KCNQ3: variants seen among roughly 807,000 people sequenced by gnomAD.
The protein encoded by KCNQ3 is potassium voltage-gated channel subfamily KQT member 3.
In KCNQ3, 30 loss-of-function variants were observed where a neutral mutation model predicts 92.5. That is an observed-to-expected ratio of 0.32 (90% confidence interval 0.24 to 0.44). The LOEUF is 0.44. Ranked by LOEUF, KCNQ3 falls within the 20% of genes least tolerant of loss-of-function variation. KCNQ3 has a pLI of 1.00. For missense variants in KCNQ3, 913 were observed against 1,140.3 expected (o/e 0.80, Z 2.87); for synonymous variants, 450 against 468.8 (o/e 0.96, Z 0.52).
chr8:132,478,749 C>T (rs1563925078), intron 1 of KCNQ3, among the ~76,000 whole-genome samples: 1 of 152,104 alleles, frequency 6.6e-6, no homozygotes, highest in Non-Finnish European at 1.5e-5. Context: ...GGGAAGGCAC[C>T]CTCTCCGGGC....
chr8:132,210,525 A>G (rs1813817190), intron 1 of KCNQ3, among the ~76,000 whole-genome samples: 1 of 151,952 alleles, frequency 6.6e-6, no homozygotes, highest in African/African-American at 2.4e-5. Context: ...CATGGCAGTT[A>G]AAACAACACA....
chr8:132,165,142 A>G (rs1156888096), intron 8 of KCNQ3, among the ~76,000 whole-genome samples: 2 of 152,002 alleles, frequency 1.3e-5, no homozygotes, highest in Non-Finnish European at 1.5e-5. Context: ...CACTGAACCC[A>G]CTTGCTCATT....
intron 1 of KCNQ3, among the ~76,000 whole-genome samples, chr8:132,385,719 G>A (rs1365439583): frequency 2.6e-5 from 4 of 152,132 alleles, no homozygotes; most frequent in African/African-American, 4.8e-5. Context: ...AGGGGGAAGG[G>A]GCAATGGGGA....
intron 1 of KCNQ3, among the ~76,000 whole-genome samples, chr8:132,306,822 C>T (rs1345672394): frequency 6.6e-6 from 1 of 152,012 alleles, no homozygotes; most frequent in Non-Finnish European, 1.5e-5. Flanking sequence ...TGGAATATTC[C>T]CTAGCTTAAC....
chr8:132,384,004 CCTAA>C, intron 1 of KCNQ3, among the ~76,000 whole-genome samples: 1 of 148,496 alleles, frequency 6.7e-6, no homozygotes, highest in East Asian at 1.9e-4. Flanking sequence ...CTTTGTCAGG[CCTAA>C]CTAAGGAGAA....
chr8:132,416,229 G>A (rs1010894857), intron 1 of KCNQ3, among the ~76,000 whole-genome samples: 7 of 152,108 alleles, frequency 4.6e-5, no homozygotes, highest in Admixed American at 2.0e-4. Context: ...TTGCTAAGAC[G>A]GTATTTCTCT....
intron 1 of KCNQ3, among the ~76,000 whole-genome samples, chr8:132,234,365 T>TTTTTTGGA (rs3049351): frequency 8.9e-6 from 1 of 112,196 alleles, no homozygotes; most frequent in Non-Finnish European, 1.8e-5. Flanking sequence ...TTTTTTTTTT[T>TTTTTTGGA]GGCAGGTGAA....
chr8:132,183,999 C>G (rs1021812921), intron 3 of KCNQ3, among the ~76,000 whole-genome samples: 1 of 152,068 alleles, frequency 6.6e-6, no homozygotes, highest in Admixed American at 6.5e-5. Flanking sequence ...AGAGTGACAC[C>G]CTACCCTGCC....
At position 132,330,431 on chromosome 8, in the gene KCNQ3, A is replaced by C. The variant is rs570708458; in HGVS notation, c.387-144250T>G. Among the ~76,000 whole-genome samples the C allele has an allele frequency of 5.9e-5, 9 of 152,284 alleles. 1 individual carries two copies. The highest frequency in any genetic ancestry group is 1.9e-4 in the East Asian group (1 of 5,178). Reference sequence around the variant, plus strand: ...CTCGAGGAAAACCTCCAGGGGATCTATCTCTCTCCTGCAGCTGTGCTGAGT... The same window carrying C: ...CTCGAGGAAAACCTCCAGGGGATCTCTCTCTCTCCTGCAGCTGTGCTGAGT... On this transcript the variant is annotated intron_variant, in intron 1 of 14. Transcript: ENST00000388996.
At chr8:132,378,848 GACTTCCAATAAGAAAT>G (rs567642767) in intron 1 of KCNQ3, among the ~76,000 whole-genome samples, 28 of 152,330 alleles carry the variant, frequency 1.8e-4, no homozygotes, top group African/African-American at 4.8e-4. Context: ...TTGCAAAAGA[GACTTCCAATAAGAAAT>G]ACTTTTTCCT....
chr8:132,172,183 A>C (rs1418667992), intron 7 of KCNQ3, among the ~76,000 whole-genome samples: 1 of 151,666 alleles, frequency 6.6e-6, no homozygotes, highest in Non-Finnish European at 1.5e-5. Context: ...CTCAAAAAAA[A>C]CTCAAAAAAC....
intron 1 of KCNQ3, among the ~76,000 whole-genome samples, chr8:132,281,540 A>ATG (rs1304833552): frequency 1.0e-4 from 10 of 96,684 alleles, no homozygotes; most frequent in African/African-American, 3.0e-4. Context: ...GTGTGTGTAT[A>ATG]TGTGTGTGTA....
chr8:132,313,348 C>T (rs1817649936), intron 1 of KCNQ3, among the ~76,000 whole-genome samples: 2 of 152,076 alleles, frequency 1.3e-5, no homozygotes, highest in South Asian at 4.2e-4. Flanking sequence ...TACATGAAGA[C>T]AATTCACAAG....
chr8:132,184,082 G>A (rs941641645), intron 3 of KCNQ3, among the ~76,000 whole-genome samples, 159 bp downstream of exon 3: 3 of 152,198 alleles, frequency 2.0e-5, no homozygotes, highest in Admixed American at 1.3e-4. Flanking sequence ...GACCCAGAAG[G>A]TTGACACTGT....
intron 1 of KCNQ3, among the ~76,000 whole-genome samples, chr8:132,197,682 T>C (rs1391268778): frequency 6.6e-6 from 1 of 152,218 alleles, no homozygotes; most frequent in Non-Finnish European, 1.5e-5. Flanking sequence ...TGACATTTAA[T>C]TTTTCATTTG....
At chr8:132,203,292 G>A (rs1827517527) in intron 1 of KCNQ3, among the ~76,000 whole-genome samples, 1 of 152,148 alleles carries the variant, frequency 6.6e-6, no homozygotes, top group Non-Finnish European at 1.5e-5. Flanking sequence ...GATACGAACT[G>A]TGTGTTACTT....
chr8:132,150,810 C>A (rs927238714), intron 9 of KCNQ3, among the ~76,000 whole-genome samples: 1 of 151,758 alleles, frequency 6.6e-6, no homozygotes, highest in African/African-American at 2.4e-5. Flanking sequence ...TTTTCTTCTG[C>A]CTGTCTGTGT....
intron 3 of KCNQ3, among the ~76,000 whole-genome samples, chr8:132,183,042 C>T (rs1826842257): frequency 6.6e-6 from 1 of 152,172 alleles, no homozygotes; most frequent in African/African-American, 2.4e-5. Context: ...CTCCAGGCTG[C>T]ACAGACAGAA....
At chr8:132,155,312 A>G (rs969673148) in intron 9 of KCNQ3, among the ~76,000 whole-genome samples, 2 of 152,214 alleles carry the variant, frequency 1.3e-5, no homozygotes, top group South Asian at 2.1e-4. Flanking sequence ...GAATGAAGAA[A>G]GGATGGATGG....
Sources: gnomAD v4.1 joint callset for allele counts (sites outside exome capture counted in the v4.1 genomes callset) on GRCh38, gnomAD v4.1.1 for gene constraint, MANE v1.5 for transcripts, NCBI Gene and HGNC (gene_info 2026-07-23, HGNC 2026-07-21) for gene names.